Variants in PI4KA observed in about 807,000 individuals in gnomAD.
The protein encoded by PI4KA is phosphatidylinositol 4-kinase alpha.
In PI4KA, 122 loss-of-function variants were observed where a neutral mutation model predicts 271.4. That is an observed-to-expected ratio of 0.45 (90% CI 0.39 to 0.52). The LOEUF (loss-of-function observed/expected upper bound fraction) is 0.52. Ranked by LOEUF, PI4KA falls within the 20% of genes least tolerant of loss-of-function variation. The pLI, the probability that PI4KA is intolerant of heterozygous loss-of-function variation, is 0.00. For synonymous variants in PI4KA, 1,041 were observed against 1,078.8 expected (o/e 0.96, Z 0.69); for missense variants, 1,969 against 2,769.1 (o/e 0.71, Z 6.48).
At chr22:20,808,839 C>G (rs1429737570) in intron 9 of PI4KA, among the ~76,000 whole-genome samples, 1 of 151,932 alleles carries the variant, frequency 6.6e-6, no homozygotes, top group Non-Finnish European at 1.5e-5. Context: ...CCACCATGCC[C>G]AGCTAATATT....
Position 20,707,962 on chromosome 22 carries a change from C to T in PI4KA, c.*85G>A, listed in dbSNP as rs1924714852. On this transcript the variant is annotated 3_prime_UTR_variant, in exon 55 of 55. Coordinates refer to ENST00000255882, the MANE Select transcript of PI4KA (RefSeq NM_058004.4). Reference sequence around the variant, plus strand: ...CAGGCCTCTCCTCCACTGCATGTGGCGGCAGGGCAGGGAGGTCGCAGGGCT... The same window carrying T: ...CAGGCCTCTCCTCCACTGCATGTGGTGGCAGGGCAGGGAGGTCGCAGGGCT... 16 of 1,181,864 alleles carry T rather than the reference C, an allele frequency of 1.4e-5. No homozygotes were observed. Among genetic ancestry groups the T allele is most frequent in the South Asian group, 4.8e-5 (4 of 82,596 alleles). 73.2% of individuals were successfully genotyped at this position (1,181,864 alleles called of 1,614,324 possible). A position where few individuals can be genotyped will look rare whatever the true frequency, so the allele number is the denominator to read the frequency against.
intron 8 of PI4KA, among the ~76,000 whole-genome samples, chr22:20,812,959 T>C (rs1328139683): frequency 6.6e-6 from 1 of 152,080 alleles, no homozygotes; most frequent in Non-Finnish European, 1.5e-5. Flanking sequence ...TACCCAAATA[T>C]GAAAAAGTCA....
In PI4KA at chr22:20,764,920, T is replaced by C; in HGVS notation, c.2605A>G (p.Ile869Val). The change falls in exon 22 of 55, where the codon ATC becomes GTC. Residue 869 changes from isoleucine to valine, a missense_variant. Around this residue, in one of 13 missense-constraint regions of PI4KA, gnomAD observed 368 missense variants for 544.3 expected, o/e 0.68. Coordinates refer to ENST00000255882, the MANE Select transcript of PI4KA (RefSeq NM_058004.4). The stretch of plus-strand genomic sequence containing the variant: ...TCGGGAGGGGGGTCCAGCAGGTTGA[T>C]GATAGTGCTGCGGAGCTCACTCAGC... ...AELSELRSTI[I>V]NLLDPPPEVS... The C allele has an allele frequency of 1.9e-6, 3 of 1,612,870 alleles. No homozygotes were observed. Among genetic ancestry groups the C allele is most frequent in the Non-Finnish European group, 2.5e-6 (3 of 1,179,274 alleles).
At chr22:20,765,281 A>G (rs1364901902) in intron 20 of PI4KA, 45 bp from the exon 21 acceptor site, 1 of 1,556,116 alleles carries the variant, frequency 6.4e-7, no homozygotes, top group South Asian at 1.2e-5. Context: ...TTGGTCGGAA[A>G]GCACTGCAGT....
At position 20,765,163 on chromosome 22, in the gene PI4KA, G is replaced by T; in HGVS notation, c.2511C>A (p.Ser837Arg). ...ATKSPLLTFP[S>R]KEPLRSVLQY... The stretch of plus-strand genomic sequence containing the variant: ...GGAGGACGGACCGCAGTGGCTCCTT[G>T]CTGGGAAAGGTGAGCAAGGGGGACT... The change falls in exon 21 of 55, where the codon AGC becomes AGA. Residue 837 changes from serine to arginine, a missense_variant. Around this residue, in one of 13 missense-constraint regions of PI4KA, gnomAD observed 368 missense variants for 544.3 expected, o/e 0.68. Coordinates refer to ENST00000255882, the MANE Select transcript of PI4KA (RefSeq NM_058004.4). The T allele has an allele frequency of 6.2e-7, 1 of 1,613,946 alleles. No homozygotes were observed. Among genetic ancestry groups the T allele is most frequent in the Non-Finnish European group, 8.5e-7 (1 of 1,179,866 alleles).
At chr22:20,800,896 C>CTTT in intron 14 of PI4KA, among the ~76,000 whole-genome samples, 1 of 134,072 alleles carries the variant, frequency 7.5e-6, no homozygotes, top group South Asian at 2.5e-4. Context: ...GGAAGAATTT[C>CTTT]TTTTTTTTTT....
chr22:20,778,065 G>C (rs2090832085), intron 19 of PI4KA, among the ~76,000 whole-genome samples: 1 of 152,196 alleles, frequency 6.6e-6, no homozygotes, highest in African/African-American at 2.4e-5. Context: ...CCTGACAGCA[G>C]TGGGAGCTAT....
At position 20,841,640 on chromosome 22, in the gene PI4KA, T is replaced by C. The variant is rs10460760; in HGVS notation, c.157-2909A>G. 3.1e-3 allele frequency among the ~76,000 whole-genome samples: 468 copies of C among 152,298 alleles called. 8 individuals are homozygous for C. In the East Asian group the frequency reaches 0.058, roughly 19 times the overall value. On this transcript the variant is annotated intron_variant, in intron 1 of 54. Transcript: ENST00000255882. Reference sequence around the variant, plus strand: ...AGGCAGAATAATGGCACCTCAAAGATGTCCACACCCTCAATCCCCTGGAAG... The same window carrying C: ...AGGCAGAATAATGGCACCTCAAAGACGTCCACACCCTCAATCCCCTGGAAG...
chr22:20,832,670 G>A (rs571266263), intron 3 of PI4KA, among the ~76,000 whole-genome samples: 287 of 152,090 alleles, frequency 1.9e-3, no homozygotes, highest in Non-Finnish European at 2.8e-3. Flanking sequence ...GGCCAAGCTG[G>A]TCTCGAACTC....
chr22:20,713,089 C>T (rs1925522164), intron 48 of PI4KA, 192 bp downstream of exon 48: 2 of 696,676 alleles, frequency 2.9e-6, no homozygotes, highest in Admixed American at 2.4e-5. Context: ...ATGGCGGGGA[C>T]AGTGGGAAAG....
At chr22:20,819,020 C>T (rs165616) in intron 6 of PI4KA, among the ~76,000 whole-genome samples, 73,951 of 151,970 alleles carry the variant, frequency 0.49, 18,502 homozygotes, top group African/African-American at 0.59. Flanking sequence ...TTTATAAAGG[C>T]GGGAGCCAGG....
chr22:20,748,801 C>T (rs738058), intron 28 of PI4KA, among the ~76,000 whole-genome samples: 75,340 of 151,824 alleles, frequency 0.5, 19,266 homozygotes, highest in African/African-American at 0.6. Context: ...TGACCAGATA[C>T]CCTATTAAAA....
At chr22:20,724,229 T>C (rs1927082085) in intron 42 of PI4KA, among the ~76,000 whole-genome samples, 1 of 151,176 alleles carries the variant, frequency 6.6e-6, no homozygotes. Flanking sequence ...TGCTTGAACC[T>C]GGGAGGCAGA....
chr22:20,853,638 G>T (rs575009600), intron 1 of PI4KA, among the ~76,000 whole-genome samples: 1 of 152,294 alleles, frequency 6.6e-6, no homozygotes, highest in African/African-American at 2.4e-5. Context: ...TCCAATCCTG[G>T]GGGTGGGACC....
At chr22:20,751,514 G>C in intron 26 of PI4KA, 138 bp from the exon 27 acceptor site, 1 of 920,852 alleles carries the variant, frequency 1.1e-6, no homozygotes. Context: ...CAAAACACCA[G>C]GTGGATTTGG....
intron 19 of PI4KA, among the ~76,000 whole-genome samples, chr22:20,776,867 T>C (rs1357390201): frequency 1.3e-5 from 2 of 151,920 alleles, no homozygotes; most frequent in Non-Finnish European, 2.9e-5. Flanking sequence ...TCAAGCAGAG[T>C]ATCCGAACAG....
chr22:20,854,282 G>T (rs955724945), intron 1 of PI4KA, among the ~76,000 whole-genome samples: 1 of 151,918 alleles, frequency 6.6e-6, no homozygotes, highest in Non-Finnish European at 1.5e-5. Flanking sequence ...CACCACGCCT[G>T]GCTAATTTTT....
chr22:20,772,589 G>A (rs960746449), intron 19 of PI4KA, among the ~76,000 whole-genome samples: 1 of 152,074 alleles, frequency 6.6e-6, no homozygotes, highest in African/African-American at 2.4e-5. Flanking sequence ...TTTCTCAAAC[G>A]GAGCAATGCA....
intron 7 of PI4KA, among the ~76,000 whole-genome samples, chr22:20,816,016 C>T (rs145219248): frequency 7.9e-5 from 12 of 152,144 alleles, no homozygotes; most frequent in African/African-American, 2.2e-4. Context: ...GTCTGCTCAC[C>T]GCAACCTGCG....
Sources: gnomAD v4.1 joint callset for allele counts (sites outside exome capture counted in the v4.1 genomes callset) on GRCh38, gnomAD v4.1.1 for gene constraint, gnomAD v4.1.1 regional missense constraint, MANE v1.5 for transcripts, NCBI Gene and HGNC (gene_info 2026-07-23, HGNC 2026-07-21) for gene names.